The following BTBD9 variants were observed in gnomAD, a reference collection of about 807,000 sequenced individuals.
BTBD9 encodes BTB/POZ domain-containing protein 9.
Under a neutral mutation model 64.3 loss-of-function variants are expected in BTBD9, and 49 were observed. The ratio of observed to expected loss-of-function variants is 0.76; its 90% confidence interval spans 0.61 to 0.97. BTBD9 has a LOEUF of 0.97. BTBD9 is among the 50% of genes least tolerant of loss of function. The pLI, the probability that BTBD9 is intolerant of heterozygous loss-of-function variation, is 0.00. For synonymous variants in BTBD9, 260 were observed against 274.7 expected (o/e 0.95, Z 0.53); for missense variants, 598 against 762.1 (o/e 0.78, Z 2.53).
intron 2 of BTBD9, chr6:38,596,160 A>C (rs1302040272): frequency 3.1e-6 from 2 of 655,348 alleles, no homozygotes; most frequent in African/African-American, 4.0e-5. Context: ...AGCATTGAGA[A>C]CCTGTCTAAG....
intron 6 of BTBD9, among the ~76,000 whole-genome samples, chr6:38,374,307 G>GTATATATATATATATATGTA (rs1765577080): frequency 8.5e-5 from 5 of 59,124 alleles, no homozygotes; most frequent in African/African-American, 4.0e-4. Flanking sequence ...GTATATATAT[G>GTATATATATATATATATGTA]TATATATATA....
rs1443203273 is a variant in BTBD9, at chr6:38,184,022, T to C, written c.1641+8497A>G. 6.6e-6 allele frequency among the ~76,000 whole-genome samples: 1 copy of C among 152,220 alleles called. No individual in the cohort carries two copies. Among genetic ancestry groups the C allele is most frequent in the Non-Finnish European group, 1.5e-5 (1 of 68,046 alleles). On this transcript the variant is annotated intron_variant, in intron 10 of 10. Coordinates refer to ENST00000481247, the MANE Select transcript of BTBD9 (RefSeq NM_001099272.2). This position sits in a 1 kb window ranked among gnomAD's most constrained non-coding sequence, Gnocchi z 4.4. The stretch of plus-strand genomic sequence containing the variant: ...GAACCTCCTGCTTTTGAAGTTTCCA[T>C]GAATGTAATCCTAGTATACGTATTC...
In BTBD9 at chr6:38,452,421, C is replaced by T. The variant is rs1481354458; in HGVS notation, c.1155-107328G>A. Among the ~76,000 whole-genome samples, 6 of 151,916 alleles carry T rather than the reference C, an allele frequency of 3.9e-5. No individual in the cohort carries two copies. In the East Asian group the frequency reaches 1.2e-3, roughly 29 times the overall value. On this transcript the variant is annotated intron_variant, in intron 6 of 10. Coordinates refer to ENST00000481247, the MANE Select transcript of BTBD9 (RefSeq NM_001099272.2). ...GAAACTTTGAAATTGCTAAGTTTAA[C>T]AAAAACCGTGTTTTAGTAAGATAAA...
intron 3 of BTBD9, 87 bp from the exon 4 acceptor site, chr6:38,592,927 A>T (rs1776869069): frequency 4.3e-6 from 6 of 1,381,252 alleles, no homozygotes; most frequent in Admixed American, 4.0e-5. Context: ...GACAAGTATA[A>T]CTTAGCCAAT....
At chr6:38,282,526 GCCC>G (rs1267563109) in intron 8 of BTBD9, among the ~76,000 whole-genome samples, 35 of 152,312 alleles carry the variant, frequency 2.3e-4, no homozygotes, top group African/African-American at 7.5e-4. Context: ...CCCCATCCCT[GCCC>G]CTCCTCTGCT....
chr6:38,360,069 T>C (rs1764889299), intron 6 of BTBD9, among the ~76,000 whole-genome samples: 1 of 152,226 alleles, frequency 6.6e-6, no homozygotes, highest in Non-Finnish European at 1.5e-5. Context: ...AATTATATAC[T>C]GTGCTTTAAC....
At chr6:38,264,187 G>A (rs1764892441) in intron 8 of BTBD9, among the ~76,000 whole-genome samples, 1 of 152,202 alleles carries the variant, frequency 6.6e-6, no homozygotes, top group African/African-American at 2.4e-5. Context: ...AACAATCAGT[G>A]TAGTTTATAA....
chr6:38,383,183 T>C (rs2127616366), intron 6 of BTBD9, among the ~76,000 whole-genome samples: 1 of 152,334 alleles, frequency 6.6e-6, no homozygotes, highest in East Asian at 1.9e-4. Flanking sequence ...ATTAGGTTTA[T>C]TCCAGGAGTG....
In BTBD9 at chr6:38,459,315, C is replaced by T. The variant is rs58730305; in HGVS notation, c.1155-114222G>A. ...TTACAGGCGTGAGCCATGTGCCTGG[C>T]TATGACCACCCTTTTATAACAAAGA... On this transcript the variant is annotated intron_variant, in intron 6 of 10. Coordinates refer to ENST00000481247, the MANE Select transcript of BTBD9 (RefSeq NM_001099272.2). Among the ~76,000 whole-genome samples the T allele has an allele frequency of 3.7e-3, 560 of 152,310 alleles. 5 individuals are homozygous for T. The highest frequency in any genetic ancestry group is 0.013 in the African/African-American group (520 of 41,564).
intron 6 of BTBD9, among the ~76,000 whole-genome samples, chr6:38,476,849 G>A (rs1770906836): frequency 6.6e-6 from 1 of 152,152 alleles, no homozygotes; most frequent in Non-Finnish European, 1.5e-5. Flanking sequence ...AGATTTCTCT[G>A]CCTCAATGCC....
intron 8 of BTBD9, among the ~76,000 whole-genome samples, chr6:38,287,109 TA>T (rs1761764219): frequency 2.3e-5 from 2 of 87,000 alleles, no homozygotes; most frequent in Non-Finnish European, 4.0e-5. Context: ...AAAAAAAATA[TA>T]CACACACACA....
chr6:38,516,383 C>T (rs1456494861), intron 6 of BTBD9, among the ~76,000 whole-genome samples: 1 of 152,126 alleles, frequency 6.6e-6, no homozygotes, highest in African/African-American at 2.4e-5. Context: ...TAGGTTAAGG[C>T]CAGGCATGAA....
intron 9 of BTBD9, among the ~76,000 whole-genome samples, chr6:38,230,152 C>A (rs1763546583): frequency 6.6e-6 from 1 of 152,126 alleles, no homozygotes; most frequent in East Asian, 1.9e-4. Flanking sequence ...CCATATTTAG[C>A]CCCCTTCTGA....
chr6:38,172,657 TCTA>T lies in BTBD9; in HGVS notation c.*2325_*2327del, dbSNP rs1766842252. The T allele has an allele frequency of 6.6e-6, 1 of 152,318 alleles. No individual in the cohort carries two copies. Among genetic ancestry groups the T allele is most frequent in the Admixed American group, 6.5e-5 (1 of 15,278 alleles). The allele number at this position is 152,318 out of a possible 1,614,324, so 9.4% of individuals were successfully genotyped here. A position where few individuals can be genotyped will look rare whatever the true frequency, so the allele number is the denominator to read the frequency against. On this transcript the variant is annotated 3_prime_UTR_variant, in exon 11 of 11. Transcript: ENST00000481247. The stretch of plus-strand genomic sequence containing the variant: ...TTGCCATCAGTCCTCACCAATGACA[TCTA>T]CTGTTAGTGCCACCCCATCGTCCCC...
intron 9 of BTBD9, among the ~76,000 whole-genome samples, chr6:38,208,097 G>C (rs1308988264): frequency 6.6e-6 from 1 of 152,142 alleles, no homozygotes; most frequent in Non-Finnish European, 1.5e-5. Flanking sequence ...TTGGGAGCAG[G>C]GCTGGAAGGC....
At chr6:38,469,443 A>G (rs1770539227) in intron 6 of BTBD9, among the ~76,000 whole-genome samples, 1 of 149,714 alleles carries the variant, frequency 6.7e-6, no homozygotes, top group African/African-American at 2.5e-5. Flanking sequence ...TTCAGCCTCC[A>G]GCGTAGCTGG....
intron 6 of BTBD9, among the ~76,000 whole-genome samples, chr6:38,477,665 A>C (rs944528828): frequency 6.6e-6 from 1 of 152,234 alleles, no homozygotes; most frequent in African/African-American, 2.4e-5. Flanking sequence ...TAGTGTTATC[A>C]TAACTTAATG....
chr6:38,454,607 G>A (rs1562208991), intron 6 of BTBD9, among the ~76,000 whole-genome samples: 1 of 151,444 alleles, frequency 6.6e-6, no homozygotes. Flanking sequence ...GACCAGCCTG[G>A]GCAACATAGT....
intron 4 of BTBD9, among the ~76,000 whole-genome samples, chr6:38,584,119 G>A (rs1041920697): frequency 6.6e-6 from 1 of 152,114 alleles, no homozygotes; most frequent in African/African-American, 2.4e-5. Flanking sequence ...TTGAGTACAG[G>A]AGTTTGAGAC....
Sources: allele counts gnomAD v4.1 joint callset (sites outside exome capture counted in the v4.1 genomes callset), GRCh38; gene constraint gnomAD v4.1.1; non-coding constraint Gnocchi (gnomAD v3.1); transcripts MANE v1.5; gene names NCBI Gene and HGNC (gene_info 2026-07-23, HGNC 2026-07-21).